FNBP1: variants seen among roughly 807,000 people sequenced by gnomAD.
The protein encoded by FNBP1 is formin binding protein 1, also known as formin-binding protein 1.
Under a neutral mutation model 90.6 loss-of-function variants are expected in FNBP1, and 26 were observed. The ratio of observed to expected loss-of-function variants is 0.29; its 90% CI spans 0.21 to 0.40. FNBP1 has a LOEUF of 0.40. Among genes scored for constraint, FNBP1 ranks in the 10% least tolerant of loss-of-function variants. The pLI is 1.00. For synonymous variants in FNBP1, 260 were observed against 265.2 expected (o/e 0.98, Z 0.19); for missense variants, 635 against 768.0 (o/e 0.83, Z 2.05).
chr9:129,981,365 C>G (rs984520206), intron 2 of FNBP1, among the ~76,000 whole-genome samples: 3 of 152,060 alleles, frequency 2.0e-5, no homozygotes, highest in African/African-American at 7.2e-5. Flanking sequence ...CCACTGCACC[C>G]GGCCAAGAAA....
At chr9:129,973,032 T>C (rs777918840) in intron 4 of FNBP1, among the ~76,000 whole-genome samples, 2 of 152,178 alleles carry the variant, frequency 1.3e-5, no homozygotes, top group Non-Finnish European at 2.9e-5. Flanking sequence ...GATTCCTAAG[T>C]GTATGCTCAT....
At chr9:129,926,821 G>C (rs2041990980) in intron 8 of FNBP1, among the ~76,000 whole-genome samples, 1 of 151,612 alleles carries the variant, frequency 6.6e-6, no homozygotes, top group Non-Finnish European at 1.5e-5. Flanking sequence ...GGGAGGTGGA[G>C]GTTGCAGTGA....
At chr9:129,897,890 C>T (rs750242175) in intron 15 of FNBP1, among the ~76,000 whole-genome samples, 2 of 152,102 alleles carry the variant, frequency 1.3e-5, no homozygotes, top group South Asian at 2.1e-4. Context: ...AGTACAATGG[C>T]ACGATCTTGG....
chr9:129,919,552 C>G (rs1276047865), intron 10 of FNBP1, among the ~76,000 whole-genome samples: 3 of 152,188 alleles, frequency 2.0e-5, no homozygotes. Flanking sequence ...GGTTAATGTT[C>G]TGGCGGCATC....
At chr9:130,048,165 C>CAA (rs148399244), upstream of FNBP1, among the ~76,000 whole-genome samples, 3 of 150,402 alleles carry the variant, frequency 2.0e-5, no homozygotes, top group East Asian at 2.0e-4. Flanking sequence ...ACTAAAAATA[C>CAA]AAAAAAATTA....
In FNBP1 at chr9:129,929,583, A is replaced by G; in HGVS notation, c.626T>C (p.Ile209Thr). Residue 209 changes from isoleucine (I) to threonine (T), a missense_variant, in exon 7 of 17, where the codon ATC becomes ACC. By Grantham distance (89) the Ile-to-Thr change is moderately conservative (BLOSUM62 -1). Coordinates refer to ENST00000446176, the MANE Select transcript of FNBP1 (RefSeq NM_015033.3). ...AGGACTTACCTGGAAGATGTTGGGG[A>G]TGTGAGTATGGTAATATTCATGCTG... ...HEQHEYYHTH[I>T]PNIFQKIQEM... 1 of 1,613,806 alleles carries G rather than the reference A, an allele frequency of 6.2e-7. No homozygotes were observed. Among genetic ancestry groups the G allele is most frequent in the Non-Finnish European group, 8.5e-7 (1 of 1,179,720 alleles).
At chr9:129,999,101 C>T (rs1021045770) in intron 1 of FNBP1, among the ~76,000 whole-genome samples, 1 of 152,156 alleles carries the variant, frequency 6.6e-6, no homozygotes, top group Non-Finnish European at 1.5e-5. Context: ...AATCAACCCA[C>T]TTACATTCTT....
At chr9:130,033,132 G>GAGGT (rs1169190520) in intron 1 of FNBP1, among the ~76,000 whole-genome samples, 1 of 152,050 alleles carries the variant, frequency 6.6e-6, no homozygotes, top group Non-Finnish European at 1.5e-5. Context: ...ATAATAATTT[G>GAGGT]TGTTTACCTA....
upstream of FNBP1, among the ~76,000 whole-genome samples, chr9:130,046,190 G>A (rs1252184192): frequency 6.6e-6 from 1 of 152,054 alleles, no homozygotes. Flanking sequence ...ATGGCTGACA[G>A]TCCCTAAGTA....
intron 1 of FNBP1, among the ~76,000 whole-genome samples, chr9:130,040,276 T>C (rs980944827): frequency 6.6e-6 from 1 of 152,246 alleles, no homozygotes; most frequent in Non-Finnish European, 1.5e-5. Flanking sequence ...TTCCTTTTCC[T>C]ATATTAAACT....
intron 1 of FNBP1, among the ~76,000 whole-genome samples, chr9:130,033,286 A>G (rs1422024991): frequency 6.6e-6 from 1 of 152,172 alleles, no homozygotes; most frequent in Non-Finnish European, 1.5e-5. Flanking sequence ...GCCCGATACT[A>G]ATAAATATTA....
chr9:130,008,256 G>C (rs2056084080), intron 1 of FNBP1, among the ~76,000 whole-genome samples: 1 of 151,612 alleles, frequency 6.6e-6, no homozygotes, highest in Non-Finnish European at 1.5e-5. Flanking sequence ...GGCTGAGGTG[G>C]GAGGATGACC....
At chr9:129,920,616 T>A (rs928320130) in intron 10 of FNBP1, among the ~76,000 whole-genome samples, 1 of 152,176 alleles carries the variant, frequency 6.6e-6, no homozygotes, top group Non-Finnish European at 1.5e-5. Context: ...TTTCTAACCA[T>A]CCTTTTCTTA....
rs908931926 is a variant in FNBP1, at chr9:129,966,341, T to C, written c.346-7788A>G. Among the ~76,000 whole-genome samples the C allele has an allele frequency of 2.6e-5, 4 of 152,080 alleles. No individual in the cohort carries two copies. The highest frequency in any genetic ancestry group is 9.7e-5 in the African/African-American group (4 of 41,402). On this transcript the variant is annotated intron_variant, in intron 4 of 16. Coordinates refer to ENST00000446176, the MANE Select transcript of FNBP1 (RefSeq NM_015033.3). The surrounding 1 kb of genome is among the most constrained non-coding windows in gnomAD (Gnocchi z 4.3). ...AGGAACAGCTGGATGCCAGTGCCAC[T>C]AGACCAAGGTAAAGGGCACAGGGAC...
At chr9:129,929,731 C>T (rs1470489048) in intron 6 of FNBP1, 36 bp from the exon 7 acceptor site, 9 of 1,609,770 alleles carry the variant, frequency 5.6e-6, no homozygotes, top group Admixed American at 3.4e-5. Flanking sequence ...TACGTTTATA[C>T]ACCATAGATA....
At chr9:129,979,674 C>A (rs1387629276) in intron 2 of FNBP1, among the ~76,000 whole-genome samples, 1 of 151,936 alleles carries the variant, frequency 6.6e-6, no homozygotes, top group East Asian at 1.9e-4. Flanking sequence ...GAGTCTCATT[C>A]TGTTGCCCAG....
rs1022458542 is a variant in FNBP1, at chr9:130,042,664, G to A, written c.24+288C>T. On this transcript the variant is annotated intron_variant, in intron 1 of 16. Coordinates refer to ENST00000446176, the MANE Select transcript of FNBP1 (RefSeq NM_015033.3). The surrounding 1 kb of genome is among the most constrained non-coding windows in gnomAD (Gnocchi z 5.5). ...GATTAGGGCTCGGCCCGACACACAC[G>A]GCCCGCTCCGGGGCGCCGGGGACAG... Among the ~76,000 whole-genome samples, 9 of 151,668 alleles carry A rather than the reference G, an allele frequency of 5.9e-5. No individual in the cohort carries two copies. In the East Asian group the frequency reaches 1.6e-3, roughly 26 times the overall value.
chr9:129,889,273 G>C lies in FNBP1; in HGVS notation c.*1266C>G. The C allele has an allele frequency of 5.2e-6, 1 of 191,064 alleles. No homozygotes were observed. The highest frequency in any genetic ancestry group is 1.1e-5 in the Non-Finnish European group (1 of 90,870). The allele number at this position is 191,064 out of a possible 1,614,324, so 11.8% of individuals were successfully genotyped here. On this transcript the variant is annotated 3_prime_UTR_variant, in exon 17 of 17. Transcript: ENST00000446176. ...CGAGAGGCACGGGGTCTTTGGTGAT[G>C]AAAGTGCTAACCTCGGCGGGGTGCG...
chr9:130,038,010 G>C (rs1289874089), intron 1 of FNBP1, among the ~76,000 whole-genome samples: 2 of 152,066 alleles, frequency 1.3e-5, no homozygotes, highest in Non-Finnish European at 2.9e-5. Flanking sequence ...TTCAACAGAT[G>C]AATGTATATT....
Sources: gnomAD v4.1 joint callset for allele counts (sites outside exome capture counted in the v4.1 genomes callset) on GRCh38, gnomAD v4.1.1 for gene constraint, Gnocchi (gnomAD v3.1) non-coding constraint, MANE v1.5 for transcripts, NCBI Gene and HGNC (gene_info 2026-07-23, HGNC 2026-07-21) for gene names.